Variants in MGAT4C observed in about 807,000 individuals in gnomAD.
MGAT4C encodes the protein MGAT4 family member C, also known as alpha-1,3-mannosyl-glycoprotein 4-beta-N-acetylglucosaminyltransferase C.
Under a neutral mutation model 40.1 loss-of-function variants are expected in MGAT4C, and 19 were observed. The observed-to-expected ratio is 0.47, with a 90% confidence interval of 0.33 to 0.70. The LOEUF is 0.70. Among genes scored for constraint, MGAT4C ranks in the 30% least tolerant of loss-of-function variants. The probability of loss-of-function intolerance (pLI) is 0.02; values close to 1 mark genes in which losing one functional copy is unlikely to be tolerated. For missense variants in MGAT4C, 491 were observed against 563.2 expected, an observed-to-expected ratio of 0.87 and a Z score of 1.30; for synonymous variants, 181 against 187.1, an observed-to-expected ratio of 0.97 and a Z score of 0.27.
rs188299903 is a variant in MGAT4C, at chr12:86,280,136, C to T, written c.-57+53929G>A. ...ATGAAATATTCTGTAAATATTTATT[C>T]GGTCAATATTTATTCAGTCAATTGG... On this transcript the variant is annotated intron_variant, in intron 4 of 7. Transcript: ENST00000548651. Among the ~76,000 whole-genome samples, 264 of 151,902 alleles carry T rather than the reference C, an allele frequency of 1.7e-3. 4 individuals carry two copies. Among genetic ancestry groups the T allele is most frequent in the African/African-American group, 5.8e-3 (242 of 41,464 alleles).
intron 2 of MGAT4C, among the ~76,000 whole-genome samples, chr12:86,725,970 G>T (rs962737421): frequency 6.6e-6 from 1 of 152,094 alleles, no homozygotes; most frequent in African/African-American, 2.4e-5. Flanking sequence ...AAATATGATA[G>T]AATACTTATG....
chr12:86,616,645 T>C (rs1327513516), intron 2 of MGAT4C, among the ~76,000 whole-genome samples: 1 of 152,240 alleles, frequency 6.6e-6, no homozygotes, highest in East Asian at 1.9e-4. Context: ...TACTCATTTA[T>C]TTCTGTATGC....
At chr12:86,824,121 T>TAGTC (rs1952756862) in intron 1 of MGAT4C, among the ~76,000 whole-genome samples, 1 of 151,394 alleles carries the variant, frequency 6.6e-6, no homozygotes, top group Admixed American at 6.6e-5. Context: ...ACCTGCCCAT[T>TAGTC]AGTCCCTGAG....
intron 3 of MGAT4C, among the ~76,000 whole-genome samples, chr12:86,365,404 C>T (rs1955570122): frequency 1.3e-5 from 2 of 152,110 alleles, no homozygotes; most frequent in South Asian, 4.1e-4. Flanking sequence ...CCTGAGGCAA[C>T]ATACATCCTC....
chr12:86,369,773 G>A (rs1955682431), intron 3 of MGAT4C, among the ~76,000 whole-genome samples: 1 of 151,766 alleles, frequency 6.6e-6, no homozygotes, highest in Non-Finnish European at 1.5e-5. Flanking sequence ...GATTTAAAAA[G>A]GCAAAAATAT....
chr12:86,581,488 T>C (rs1960775818), intron 2 of MGAT4C, among the ~76,000 whole-genome samples: 1 of 151,392 alleles, frequency 6.6e-6, no homozygotes, highest in Non-Finnish European at 1.5e-5. Flanking sequence ...TTAACGAACA[T>C]ACAAGATATA....
At chr12:86,762,195 G>A (rs1565971798) in intron 1 of MGAT4C, among the ~76,000 whole-genome samples, 1 of 151,844 alleles carries the variant, frequency 6.6e-6, no homozygotes, top group East Asian at 1.9e-4. Context: ...GGGACTGCAG[G>A]TATAAGCCAC....
chr12:86,500,523 C>T (rs114613131), intron 2 of MGAT4C, among the ~76,000 whole-genome samples: 139 of 149,604 alleles, frequency 9.3e-4, no homozygotes, highest in African/African-American at 2.6e-3. Context: ...ATATAAGTGA[C>T]ATAGTAAAAT....
At chr12:86,121,098 T>C (rs1879304999) in intron 1 of MGAT4C, among the ~76,000 whole-genome samples, 1 of 152,148 alleles carries the variant, frequency 6.6e-6, no homozygotes, top group Admixed American at 6.5e-5. Context: ...ACGTGACGCA[T>C]GCACAAGCTT....
chr12:86,533,495 G>A (rs1214909512), intron 2 of MGAT4C, among the ~76,000 whole-genome samples: 1 of 151,634 alleles, frequency 6.6e-6, no homozygotes, highest in African/African-American at 2.4e-5. Context: ...AAATTTTCCA[G>A]TATCTCAGAT....
At chr12:86,157,740 G>C (rs1276994589) in intron 1 of MGAT4C, among the ~76,000 whole-genome samples, 5 of 152,182 alleles carry the variant, frequency 3.3e-5, no homozygotes, top group African/African-American at 1.2e-4. Context: ...GAGAGAGAGA[G>C]TGGGCGAAGA....
intron 2 of MGAT4C, among the ~76,000 whole-genome samples, chr12:86,504,455 TAAAC>T (rs1423500168): frequency 2.6e-5 from 4 of 152,084 alleles, no homozygotes; most frequent in Non-Finnish European, 5.9e-5. Context: ...AGAGTAAAAA[TAAAC>T]AAGCTACTGC....
At chr12:86,125,184 G>T (rs953376342) in intron 1 of MGAT4C, among the ~76,000 whole-genome samples, 1 of 152,066 alleles carries the variant, frequency 6.6e-6, no homozygotes, top group African/African-American at 2.4e-5. Context: ...CAATGTGTTT[G>T]GTTATAAATC....
rs147094336 is a variant in MGAT4C at position 86,615,591 on chromosome 12, C to G, written c.-229+111618G>C. ...GGGAGGAATGGCTAATAAACTAATA[C>G]CATAATTTGGGAGAAATAAGGTTAA... On this transcript the variant is annotated intron_variant, in intron 2 of 7. Transcript: ENST00000548651. Among the ~76,000 whole-genome samples, 44 of 152,078 alleles carry G rather than the reference C, an allele frequency of 2.9e-4. No individual in the cohort carries two copies. In the East Asian group the frequency reaches 7.7e-3, roughly 27 times the overall value.
Position 86,122,764 on chromosome 12 carries a change from A to ATG in MGAT4C, c.-56-73043_-56-73042dup, listed in dbSNP as rs561724712. Among the ~76,000 whole-genome samples, 46 of 147,656 alleles carry ATG rather than the reference A, an allele frequency of 3.1e-4. No homozygotes were observed. The South Asian group carries it at 3.1e-3, about 10-fold the overall frequency. On this transcript the variant is annotated intron_variant, in intron 1 of 4. Transcript: ENST00000611864. Reference sequence around the variant, plus strand: ...ATGAAAATACTTGAAAGTTCTTTTAATGTGTGTGTATGTGTATATGTTCGT... The same window carrying ATG: ...ATGAAAATACTTGAAAGTTCTTTTAATGTGTGTGTGTATGTGTATATGTTCGT...
intron 2 of MGAT4C, among the ~76,000 whole-genome samples, chr12:86,034,263 T>C (rs1250106857): frequency 6.7e-6 from 1 of 149,746 alleles, no homozygotes; most frequent in African/African-American, 2.4e-5. Context: ...GATGCTAGCC[T>C]CCTAGAATGA....
intron 1 of MGAT4C, among the ~76,000 whole-genome samples, chr12:86,728,903 A>G (rs868190798): frequency 4.6e-5 from 7 of 152,186 alleles, no homozygotes; most frequent in Middle Eastern, 3.2e-3. Flanking sequence ...TTTCGATATC[A>G]ATTCAAATAC....
intron 2 of MGAT4C, among the ~76,000 whole-genome samples, chr12:86,627,603 A>G (rs1170564932): frequency 6.6e-6 from 1 of 152,228 alleles, no homozygotes; most frequent in African/African-American, 2.4e-5. Flanking sequence ...GGCAAACAGC[A>G]TCTGGAGTGG....
chr12:86,230,104 C>A (rs1206720060), intron 1 of MGAT4C, among the ~76,000 whole-genome samples: 1 of 151,960 alleles, frequency 6.6e-6, no homozygotes, highest in African/African-American at 2.4e-5. Context: ...GTGTCTACAT[C>A]CTATGATAGT....
Sources: gnomAD v4.1 joint callset for allele counts (sites outside exome capture counted in the v4.1 genomes callset) on GRCh38, gnomAD v4.1.1 for gene constraint, MANE v1.5 for transcripts, NCBI Gene and HGNC (gene_info 2026-07-23, HGNC 2026-07-21) for gene names.